Variants in KCTD8 observed in about 807,000 individuals in gnomAD.
KCTD8 encodes BTB/POZ domain-containing protein KCTD8.
A neutral mutation model predicts 31.5 loss-of-function variants in KCTD8; 27 were observed. The observed-to-expected ratio is 0.86, with a 90% CI of 0.63 to 1.18. KCTD8 has a LOEUF of 1.18. Among genes scored for constraint, KCTD8 ranks in the 50% most tolerant of loss-of-function variants. KCTD8 has a pLI of 0.00. For synonymous variants in KCTD8, 290 were observed against 280.0 expected, an observed-to-expected ratio of 1.04 and a Z score of -0.36; for missense variants, 658 against 647.7, an observed-to-expected ratio of 1.02 and a Z score of -0.17.
At chr4:44,444,678 C>G (rs574960041) in intron 1 of KCTD8, among the ~76,000 whole-genome samples, 4 of 151,428 alleles carry the variant, frequency 2.6e-5, no homozygotes, top group Admixed American at 2.0e-4. Flanking sequence ...AGACAGAGAA[C>G]AAGTAAATAA....
chr4:44,405,281 C>CA (rs1720764497), intron 1 of KCTD8, among the ~76,000 whole-genome samples: 1 of 150,538 alleles, frequency 6.6e-6, no homozygotes, highest in Non-Finnish European at 1.5e-5. Flanking sequence ...TTTTGTGAGA[C>CA]GGAGTCTCGC....
At chr4:44,182,949 T>C (rs559719380) in intron 1 of KCTD8, among the ~76,000 whole-genome samples, 20 of 152,322 alleles carry the variant, frequency 1.3e-4, no homozygotes, top group African/African-American at 4.8e-4. Flanking sequence ...CAGTCTGGCA[T>C]GTATAAATGC....
At chr4:44,256,385 G>T (rs1420634496) in intron 1 of KCTD8, among the ~76,000 whole-genome samples, 1 of 151,970 alleles carries the variant, frequency 6.6e-6, no homozygotes, top group Admixed American at 6.6e-5. Flanking sequence ...ACATATATTT[G>T]TAAAAACATA....
chr4:44,333,407 T>C (rs1438657731), intron 1 of KCTD8, among the ~76,000 whole-genome samples: 1 of 152,136 alleles, frequency 6.6e-6, no homozygotes, highest in African/African-American at 2.4e-5. Flanking sequence ...TAAGTAAAGA[T>C]GTAAGTCAAT....
intron 1 of KCTD8, among the ~76,000 whole-genome samples, chr4:44,318,557 G>A (rs1474164612): frequency 6.6e-6 from 1 of 152,142 alleles, no homozygotes; most frequent in Non-Finnish European, 1.5e-5. Flanking sequence ...AGTCAGATGT[G>A]GGTAGAAAAG....
At chr4:44,380,321 C>A (rs947141855) in intron 1 of KCTD8, among the ~76,000 whole-genome samples, 12 of 151,508 alleles carry the variant, frequency 7.9e-5, no homozygotes, top group Non-Finnish European at 1.0e-4. Flanking sequence ...TCAAACACAA[C>A]CAACCACAAA....
intron 1 of KCTD8, among the ~76,000 whole-genome samples, chr4:44,417,711 A>T (rs1463839435): frequency 5.4e-5 from 1 of 18,470 alleles, no homozygotes; most frequent in Non-Finnish European, 1.5e-4. Context: ...GGACTAAATA[A>T]GTTGGCATTA....
At chr4:44,344,227 C>T (rs115418889) in intron 1 of KCTD8, among the ~76,000 whole-genome samples, 3,759 of 151,764 alleles carry the variant, frequency 0.025, 155 homozygotes, top group African/African-American at 0.087. Flanking sequence ...CTCTGTCGCC[C>T]AGGCTGCAGT....
intron 1 of KCTD8, among the ~76,000 whole-genome samples, chr4:44,359,020 T>A (rs2109429274): frequency 6.6e-6 from 1 of 152,310 alleles, no homozygotes; most frequent in Non-Finnish European, 1.5e-5. Flanking sequence ...TGGGTTTGTT[T>A]TTTTCTTTTA....
intron 1 of KCTD8, among the ~76,000 whole-genome samples, chr4:44,382,810 T>A (rs1454420915): frequency 6.6e-6 from 1 of 151,246 alleles, no homozygotes; most frequent in Admixed American, 6.6e-5. Context: ...AAACTTCTAG[T>A]CAGAGCAATT....
intron 1 of KCTD8, among the ~76,000 whole-genome samples, chr4:44,277,363 T>C (rs993335588): frequency 6.6e-6 from 1 of 151,892 alleles, no homozygotes; most frequent in African/African-American, 2.4e-5. Flanking sequence ...TTTAATCTTA[T>C]TTTTCGCTTA....
At chr4:44,329,233 C>T (rs1241447135) in intron 1 of KCTD8, among the ~76,000 whole-genome samples, 2 of 150,574 alleles carry the variant, frequency 1.3e-5, no homozygotes, top group African/African-American at 2.5e-5. Flanking sequence ...ATATTTAAAA[C>T]ATGCTGAGAT....
intron 1 of KCTD8, among the ~76,000 whole-genome samples, chr4:44,234,536 T>A (rs907792510): frequency 3.9e-5 from 6 of 152,170 alleles, no homozygotes; most frequent in African/African-American, 1.4e-4. Context: ...TTAATACATG[T>A]CAACTGAACA....
At chr4:44,363,286 C>T (rs1357574228) in intron 1 of KCTD8, among the ~76,000 whole-genome samples, 2 of 151,924 alleles carry the variant, frequency 1.3e-5, no homozygotes, top group Admixed American at 6.6e-5. Flanking sequence ...AAGAGAAATA[C>T]TTCCAAGTTA....
intron 1 of KCTD8, among the ~76,000 whole-genome samples, chr4:44,204,582 G>T (rs1439046313): frequency 6.6e-6 from 1 of 152,064 alleles, no homozygotes; most frequent in African/African-American, 2.4e-5. Context: ...GACAGGAATT[G>T]CTCACTCAGG....
At chr4:44,313,038 T>C (rs1029449257) in intron 1 of KCTD8, among the ~76,000 whole-genome samples, 1 of 152,150 alleles carries the variant, frequency 6.6e-6, no homozygotes, top group African/African-American at 2.4e-5. Context: ...TAATCATCTC[T>C]CATAAAATAA....
At chr4:44,187,263 A>G (rs1201135320) in intron 1 of KCTD8, among the ~76,000 whole-genome samples, 3 of 152,224 alleles carry the variant, frequency 2.0e-5, no homozygotes, top group East Asian at 3.8e-4. Flanking sequence ...AGTAGAAAAC[A>G]TATTAGGTGT....
rs1338174551 is a variant in KCTD8, at chr4:44,447,946, T to C, written c.578A>G (p.His193Arg). 10 of 1,494,890 alleles carry C rather than the reference T, an allele frequency of 6.7e-6. No individual in the cohort carries two copies. In the East Asian group the frequency reaches 2.8e-4, roughly 42 times the overall value. 92.6% of individuals were successfully genotyped at this position (1,494,890 alleles called of 1,614,324 possible). A position where few individuals can be genotyped will look rare whatever the true frequency, so the allele number is the denominator to read the frequency against. ...CGCGCCGCCGCCGCCGCCACCACCG[T>C]GCGCTCCCGGGCCCGAGGGCACGGC... ...AAAVPSGPGAHGGGGGGGAQD... is the reference protein window; with the variant it reads ...AAAVPSGPGARGGGGGGGAQD... Residue 193 changes from histidine (H) to arginine (R), a missense_variant, in exon 1 of 2, where the codon CAC becomes CGC. Coordinates refer to ENST00000360029, the MANE Select transcript of KCTD8 (RefSeq NM_198353.3).
In KCTD8 at chr4:44,447,634, C is replaced by G. The variant is rs921513700; in HGVS notation, c.890G>C (p.Gly297Ala). Residue 297 changes from glycine (G) to alanine (A), a missense_variant, in exon 1 of 2, where the codon GGC (glycine) becomes GCC (alanine). By Grantham distance (60) the Gly-to-Ala change is moderately conservative. Transcript: ENST00000360029. ...GFHMVACNSSGTAAFVNQYRD... is the reference protein window; with the variant it reads ...GFHMVACNSSATAAFVNQYRD... Reference sequence around the variant, plus strand: ...GTACTGGTTGACGAAGGCGGCGGTGCCCGAGGAGTTACACGCCACCATGTG... The same window carrying G: ...GTACTGGTTGACGAAGGCGGCGGTGGCCGAGGAGTTACACGCCACCATGTG... 1.9e-6 allele frequency: 3 copies of G among 1,607,686 alleles called. No homozygotes were observed. The highest frequency in any genetic ancestry group is 2.5e-6 in the Non-Finnish European group (3 of 1,177,494).
Sources: gnomAD v4.1 joint callset for allele counts (sites outside exome capture counted in the v4.1 genomes callset) on GRCh38, gnomAD v4.1.1 for gene constraint, MANE v1.5 for transcripts, NCBI Gene and HGNC (gene_info 2026-07-23, HGNC 2026-07-21) for gene names.